SH2D4A: variants seen among roughly 807,000 people sequenced by gnomAD.
SH2D4A encodes SH2 domain-containing protein 4A.
In SH2D4A, 70 loss-of-function variants were observed where a neutral mutation model predicts 64.7. The observed-to-expected ratio is 1.08, with a 90% CI of 0.89 to 1.32. The LOEUF is 1.32. Among genes scored for constraint, SH2D4A ranks in the 40% most tolerant of loss-of-function variants. The pLI is 0.00. For missense variants in SH2D4A, 706 were observed against 540.1 expected (o/e 1.31, Z -3.04); for synonymous variants, 268 against 200.7 (o/e 1.34, Z -2.83).
intron 4 of SH2D4A, among the ~76,000 whole-genome samples, chr8:19,351,582 A>G (rs903806634): frequency 2.0e-5 from 3 of 152,112 alleles, no homozygotes; most frequent in Admixed American, 1.3e-4. Flanking sequence ...CAGCCTGGGC[A>G]ACAGAGTGAG....
chr8:19,366,810 C>G (rs951407985), intron 7 of SH2D4A, among the ~76,000 whole-genome samples: 2 of 152,118 alleles, frequency 1.3e-5, no homozygotes, highest in African/African-American at 2.4e-5. Context: ...CAAAAAAGAT[C>G]AACCTTTTTG....
chr8:19,334,240 G>T (rs1469762623), intron 3 of SH2D4A, among the ~76,000 whole-genome samples: 2 of 152,200 alleles, frequency 1.3e-5, no homozygotes, highest in Non-Finnish European at 2.9e-5. Context: ...TGGCACAGTG[G>T]ATGGTGCATT....
Position 19,394,583 on chromosome 8 carries a change from C to G in SH2D4A, c.1306C>G (p.Leu436Val). The change falls in exon 10 of 10, where the codon CTT becomes GTT. Residue 436 changes from leucine to valine, a missense_variant. By Grantham distance (32) the Leu-to-Val change is conservative. Coordinates refer to ENST00000265807, the MANE Select transcript of SH2D4A (RefSeq NM_022071.4). ...EPITSLGKELLLYPCGQQDQL... is the reference protein window; with the variant it reads ...EPITSLGKELVLYPCGQQDQL... Reference sequence around the variant, plus strand: ...CATCACTTCCCTGGGGAAGGAGCTCCTTCTCTATCCCTGTGGTCAGCAGGA... The same window carrying G: ...CATCACTTCCCTGGGGAAGGAGCTCGTTCTCTATCCCTGTGGTCAGCAGGA... The G allele has an allele frequency of 6.2e-7, 1 of 1,607,912 alleles. No individual in the cohort carries two copies. Among genetic ancestry groups the G allele is most frequent in the Non-Finnish European group, 8.5e-7 (1 of 1,176,682 alleles).
intron 5 of SH2D4A, among the ~76,000 whole-genome samples, chr8:19,358,344 G>A (rs1053533121): frequency 6.6e-6 from 1 of 152,156 alleles, no homozygotes; most frequent in African/African-American, 2.4e-5. Flanking sequence ...CTTCATGGGA[G>A]AGAGAGATGA....
intron 6 of SH2D4A, 50 bp downstream of exon 6, chr8:19,361,364 T>C: frequency 6.5e-7 from 1 of 1,537,042 alleles, no homozygotes; most frequent in Non-Finnish European, 8.7e-7. Context: ...CAGCTGATTC[T>C]CTCCCTTAAT....
intron 2 of SH2D4A, among the ~76,000 whole-genome samples, chr8:19,320,853 C>T (rs986765289): frequency 7.9e-5 from 12 of 152,094 alleles, no homozygotes; most frequent in African/African-American, 2.7e-4. Flanking sequence ...TTCATTAAAC[C>T]AGGAAAATAA....
chr8:19,394,688 C>T lies in SH2D4A; in HGVS notation c.*46C>T, dbSNP rs1472936295. On this transcript the variant is annotated 3_prime_UTR_variant, in exon 10 of 10. Coordinates refer to ENST00000265807, the MANE Select transcript of SH2D4A (RefSeq NM_022071.4). ...CTACAGCCTCCAAGCGGGCTTTCCC[C>T]TGGACAAATGCCACTGCAACATTTA... 10 of 1,469,734 alleles carry T rather than the reference C, an allele frequency of 6.8e-6. No homozygotes were observed. The highest frequency in any genetic ancestry group is 1.9e-5 in the Admixed American group (1 of 52,092). The allele number at this position is 1,469,734 out of a possible 1,614,324, so 91.0% of individuals were successfully genotyped here.
chr8:19,351,328 G>T (rs2117256201), intron 4 of SH2D4A, among the ~76,000 whole-genome samples: 1 of 152,260 alleles, frequency 6.6e-6, no homozygotes, highest in African/African-American at 2.4e-5. Flanking sequence ...TCTCTGCTGG[G>T]CACAGTGGCT....
At chr8:19,391,850 T>C (rs998102571) in intron 8 of SH2D4A, among the ~76,000 whole-genome samples, 1 of 152,240 alleles carries the variant, frequency 6.6e-6, no homozygotes, top group African/African-American at 2.4e-5. Context: ...CCCTTGCCTT[T>C]TCCTGAGGTG....
chr8:19,386,913 G>T (rs1025563195), intron 8 of SH2D4A, among the ~76,000 whole-genome samples: 2 of 152,172 alleles, frequency 1.3e-5, no homozygotes, highest in Non-Finnish European at 2.9e-5. Flanking sequence ...CTGAACAGCT[G>T]GGAATGCAGG....
intron 5 of SH2D4A, among the ~76,000 whole-genome samples, chr8:19,360,537 C>G (rs7001652): frequency 0.2 from 30,769 of 152,066 alleles, 3,701 homozygotes; most frequent in African/African-American, 0.33. Flanking sequence ...TCGCTTGAAC[C>G]TGGGAGGCAG....
At chr8:19,337,601 G>A (rs1330204610) in intron 4 of SH2D4A, among the ~76,000 whole-genome samples, 1 of 152,088 alleles carries the variant, frequency 6.6e-6, no homozygotes, top group East Asian at 1.9e-4. Flanking sequence ...CCCAAGATTG[G>A]GCAGTTTACA....
At chr8:19,383,673 C>T (rs1397113717) in intron 8 of SH2D4A, among the ~76,000 whole-genome samples, 2 of 152,018 alleles carry the variant, frequency 1.3e-5, no homozygotes, top group Non-Finnish European at 2.9e-5. Flanking sequence ...TTCTCTATGT[C>T]AAGGATCAGC....
At chr8:19,320,623 CA>C (rs57328086) in intron 2 of SH2D4A, among the ~76,000 whole-genome samples, 1,277 of 68,836 alleles carry the variant, frequency 0.019, 3 homozygotes, top group East Asian at 0.056. Context: ...GACTGTGTGT[CA>C]AAAAAAAAAA....
chr8:19,365,911 T>G (rs909835308), intron 7 of SH2D4A, among the ~76,000 whole-genome samples: 2 of 151,358 alleles, frequency 1.3e-5, no homozygotes, highest in Non-Finnish European at 2.9e-5. Context: ...TAACTTCGTA[T>G]GTGTGCAGTG....
At chr8:19,326,449 G>C (rs764527710) in intron 2 of SH2D4A, among the ~76,000 whole-genome samples, 1 of 152,152 alleles carries the variant, frequency 6.6e-6, no homozygotes, top group Admixed American at 6.5e-5. Flanking sequence ...GTGTTGGTGG[G>C]CACCTTGCTT....
chr8:19,349,350 A>AATTC (rs1313925027), intron 4 of SH2D4A, among the ~76,000 whole-genome samples: 4 of 152,250 alleles, frequency 2.6e-5, no homozygotes, highest in Non-Finnish European at 5.9e-5. Flanking sequence ...AGCACCTTAA[A>AATTC]ATTCACTTAA....
chr8:19,358,537 G>A (rs916806580), intron 5 of SH2D4A, among the ~76,000 whole-genome samples: 3 of 152,138 alleles, frequency 2.0e-5, no homozygotes, highest in African/African-American at 7.2e-5. Flanking sequence ...GAGCAATGTG[G>A]ATGTCTAAGC....
chr8:19,389,842 C>T (rs1377547622), intron 8 of SH2D4A, among the ~76,000 whole-genome samples: 1 of 152,098 alleles, frequency 6.6e-6, no homozygotes. Context: ...CCACACTGCT[C>T]CAGCTTGGGC....
Sources: gnomAD v4.1 joint callset for allele counts (sites outside exome capture counted in the v4.1 genomes callset) on GRCh38, gnomAD v4.1.1 for gene constraint, MANE v1.5 for transcripts, NCBI Gene and HGNC (gene_info 2026-07-23, HGNC 2026-07-21) for gene names.